CAMK4: variants seen among roughly 807,000 people sequenced by gnomAD.
CAMK4 encodes calcium/calmodulin dependent protein kinase IV, also known as calcium/calmodulin-dependent protein kinase type IV.
A neutral mutation model predicts 44.9 loss-of-function variants in CAMK4; 22 were observed. The ratio of observed to expected loss-of-function variants is 0.49; its 90% CI spans 0.35 to 0.70. The LOEUF (loss-of-function observed/expected upper bound fraction) is 0.70. CAMK4 is among the 30% of genes least tolerant of loss of function. CAMK4 has a pLI of 0.01. For synonymous variants in CAMK4, 218 were observed against 215.4 expected (o/e 1.01, Z -0.11); for missense variants, 498 against 586.8 (o/e 0.85, Z 1.56).
intron 5 of CAMK4, among the ~76,000 whole-genome samples, chr5:111,400,827 G>T: frequency 6.6e-6 from 1 of 152,104 alleles, no homozygotes; most frequent in African/African-American, 2.4e-5. Context: ...TTCTGGAAGG[G>T]TCATCCTGTA....
At chr5:111,324,310 C>T (rs891698994) in intron 1 of CAMK4, among the ~76,000 whole-genome samples, 1 of 151,542 alleles carries the variant, frequency 6.6e-6, no homozygotes, top group African/African-American at 2.4e-5. Context: ...AGGAGATGCA[C>T]TTTAAATATA....
chr5:111,447,990 T>G (rs1019233896), intron 6 of CAMK4, among the ~76,000 whole-genome samples: 1 of 152,222 alleles, frequency 6.6e-6, no homozygotes, highest in Non-Finnish European at 1.5e-5. Context: ...CAGGAGAGGT[T>G]TTCTTTCTGA....
At chr5:111,269,560 G>T (rs1750409560) in intron 1 of CAMK4, among the ~76,000 whole-genome samples, 1 of 152,096 alleles carries the variant, frequency 6.6e-6, no homozygotes, top group Non-Finnish European at 1.5e-5. Flanking sequence ...TAAACTGCAG[G>T]CCGTGACCTG....
intron 5 of CAMK4, among the ~76,000 whole-genome samples, chr5:111,401,164 A>G (rs901464198): frequency 4.6e-5 from 7 of 152,066 alleles, no homozygotes; most frequent in African/African-American, 1.4e-4. Context: ...TTTGAGACAG[A>G]GTCTCGCTCT....
At chr5:111,309,693 A>G (rs1748116108) in intron 1 of CAMK4, among the ~76,000 whole-genome samples, 1 of 152,082 alleles carries the variant, frequency 6.6e-6, no homozygotes, top group Non-Finnish European at 1.5e-5. Flanking sequence ...GATCATGGTA[A>G]AGTGTCCCTC....
intron 1 of CAMK4, among the ~76,000 whole-genome samples, chr5:111,261,387 G>A (rs1005971186): frequency 6.6e-6 from 1 of 152,158 alleles, no homozygotes; most frequent in Non-Finnish European, 1.5e-5. Context: ...CACCAGTCTA[G>A]GAATATAGCT....
intron 5 of CAMK4, among the ~76,000 whole-genome samples, chr5:111,438,488 T>G (rs1378733656): frequency 2.0e-5 from 3 of 152,192 alleles, no homozygotes; most frequent in Non-Finnish European, 4.4e-5. Context: ...TGCCTGCCAC[T>G]TAGAGAAAAT....
chr5:111,322,208 G>C (rs141718867), intron 1 of CAMK4, among the ~76,000 whole-genome samples: 34 of 152,096 alleles, frequency 2.2e-4, no homozygotes, highest in Non-Finnish European at 4.0e-4. Context: ...GAGATTTTTT[G>C]AGACGAAGTA....
At chr5:111,249,551 C>T (rs1749386251) in intron 1 of CAMK4, among the ~76,000 whole-genome samples, 1 of 150,672 alleles carries the variant, frequency 6.6e-6, no homozygotes. Context: ...AAAAGGCTGA[C>T]TATGAAAATG....
rs561203000 is a variant in CAMK4 at position 111,454,914 on chromosome 5, A to G, written c.625+5711A>G. On this transcript the variant is annotated intron_variant, in intron 7 of 10. Coordinates refer to ENST00000282356, the MANE Select transcript of CAMK4 (RefSeq NM_001744.6). ...ATCTAATTTATTCATAAGCTTAAGT[A>G]TGTTCATATTTCATATTTGTACTTG... is the stretch of plus-strand genomic sequence containing the variant. Among the ~76,000 whole-genome samples, 18 of 152,302 alleles carry G rather than the reference A, an allele frequency of 1.2e-4. No homozygotes were observed. In the East Asian group the frequency reaches 3.3e-3, roughly 28 times the overall value.
At chr5:111,292,527 A>G (rs1163377794) in intron 1 of CAMK4, among the ~76,000 whole-genome samples, 1 of 152,190 alleles carries the variant, frequency 6.6e-6, no homozygotes, top group Non-Finnish European at 1.5e-5. Flanking sequence ...AAGCAAGACT[A>G]TAACCTCAGA....
At chr5:111,346,482 T>TTATCTATCTATCTATCTATCTATC (rs58011893) in intron 2 of CAMK4, among the ~76,000 whole-genome samples, 5 of 149,918 alleles carry the variant, frequency 3.3e-5, no homozygotes, top group African/African-American at 4.9e-5. Context: ...GCTTGAAACT[T>TTATCTATCTATCTATCTATCTATC]TATCTATCTA....
intron 1 of CAMK4, among the ~76,000 whole-genome samples, chr5:111,316,981 C>A (rs1054499268): frequency 1.3e-5 from 2 of 152,038 alleles, no homozygotes; most frequent in Non-Finnish European, 2.9e-5. Context: ...CATAGGAATT[C>A]GTCTTGAAAT....
chr5:111,292,495 G>C (rs541822849), intron 1 of CAMK4, among the ~76,000 whole-genome samples: 1 of 151,958 alleles, frequency 6.6e-6, no homozygotes, highest in Non-Finnish European at 1.5e-5. Flanking sequence ...TACAGTAAAA[G>C]CCCACCTTAT....
At position 111,394,783 on chromosome 5, in the gene CAMK4, G is replaced by C; in HGVS notation, c.459+1G>C. On this transcript the variant is annotated splice_donor_variant, in intron 5 of 10. Coordinates refer to ENST00000282356, the MANE Select transcript of CAMK4 (RefSeq NM_001744.6). LOFTEE classifies it high-confidence loss of function. The stretch of plus-strand genomic sequence containing the variant: ...TAAACAAATCCTGGAGGCAGTTGCT[G>C]TAAGTATGAAGTAACAGCAATGGTG... 2 of 1,599,866 alleles carry C rather than the reference G, an allele frequency of 1.3e-6. No homozygotes were observed. The highest frequency in any genetic ancestry group is 1.7e-6 in the Non-Finnish European group (2 of 1,167,378).
At chr5:111,242,453 G>T (rs938159169) in intron 1 of CAMK4, among the ~76,000 whole-genome samples, 3 of 152,010 alleles carry the variant, frequency 2.0e-5, no homozygotes, top group African/African-American at 7.3e-5. Context: ...TCCCTCCTCT[G>T]TGTGGCCACT....
intron 1 of CAMK4, among the ~76,000 whole-genome samples, chr5:111,331,813 C>T (rs1749179103): frequency 6.6e-6 from 1 of 151,656 alleles, no homozygotes; most frequent in African/African-American, 2.4e-5. Flanking sequence ...ATTTGTGCTA[C>T]CCAAAGTTCC....
At chr5:111,481,153 T>G (rs1755421541) in intron 9 of CAMK4, among the ~76,000 whole-genome samples, 1 of 152,198 alleles carries the variant, frequency 6.6e-6, no homozygotes, top group Non-Finnish European at 1.5e-5. Flanking sequence ...TGTATATAAA[T>G]TTTTGGTGCA....
intron 5 of CAMK4, among the ~76,000 whole-genome samples, chr5:111,400,010 A>T (rs1194648714): frequency 3.9e-5 from 6 of 152,238 alleles, no homozygotes; most frequent in African/African-American, 1.4e-4. Flanking sequence ...GGGATGTTCC[A>T]GATAGGGGTG....
Sources: gnomAD v4.1 joint callset for allele counts (sites outside exome capture counted in the v4.1 genomes callset) on GRCh38, gnomAD v4.1.1 for gene constraint, MANE v1.5 for transcripts, NCBI Gene and HGNC (gene_info 2026-07-23, HGNC 2026-07-21) for gene names.